The following DPP6 variants were observed in gnomAD, a reference collection of about 807,000 sequenced individuals.
DPP6 encodes the protein A-type potassium channel modulatory protein DPP6.
DPP6 carries 69 observed loss-of-function variants against 122.6 expected under a neutral mutation model. The ratio of observed to expected loss-of-function variants is 0.56; its 90% CI spans 0.46 to 0.69. DPP6 has a LOEUF of 0.69. Among genes scored for constraint, DPP6 ranks in the 30% least tolerant of loss-of-function variants. The pLI is 0.00. For synonymous variants in DPP6, 418 were observed against 433.1 expected, an observed-to-expected ratio of 0.97 and a Z score of 0.43; for missense variants, 928 against 1,116.9, an observed-to-expected ratio of 0.83 and a Z score of 2.41.
chr7:154,540,742 T>A, intron 4 of DPP6, 116 bp downstream of exon 4: 1 of 631,976 alleles, frequency 1.6e-6, no homozygotes, highest in Non-Finnish European at 2.7e-6. Flanking sequence ...GCAATAAACT[T>A]GTAATACTAC....
chr7:154,467,906 T>C (rs1401070633), intron 2 of DPP6, among the ~76,000 whole-genome samples: 3 of 152,222 alleles, frequency 2.0e-5, no homozygotes, highest in African/African-American at 2.4e-5. Flanking sequence ...TTTGTGTGAC[T>C]GAATACTTAC....
chr7:154,622,905 A>T (rs1335477252), intron 5 of DPP6, among the ~76,000 whole-genome samples: 1 of 152,136 alleles, frequency 6.6e-6, no homozygotes, highest in Non-Finnish European at 1.5e-5. Context: ...CCAAGAAGGG[A>T]TTTGTTACAA....
intron 1 of DPP6, among the ~76,000 whole-genome samples, chr7:153,944,206 C>T (rs1001574252): frequency 6.6e-6 from 1 of 152,214 alleles, no homozygotes; most frequent in Non-Finnish European, 1.5e-5. Flanking sequence ...ATGTATTTGG[C>T]AACCAGTGTG....
Position 154,821,653 on chromosome 7 carries a change from T to TATATATACACATATATATATATACAC in DPP6, c.1666+14548_1666+14549insCACATATATATATATACACATATATA, listed in dbSNP as rs1554477670. On this transcript the variant is annotated intron_variant, in intron 16 of 25. Coordinates refer to ENST00000377770, the MANE Select transcript of DPP6 (RefSeq NM_130797.4). This position sits in a 1 kb window ranked among gnomAD's most constrained non-coding sequence, Gnocchi z 4.2. ...GTATATATATATATATATACACATA[T>TATATATACACATATATATATATACAC]ATATATATATACACATATATATATA... is the stretch of plus-strand genomic sequence containing the variant. Among the ~76,000 whole-genome samples the TATATATACACATATATATATATACAC allele has an allele frequency of 1.9e-5, 2 of 107,080 alleles. No homozygotes were observed. The highest frequency in any genetic ancestry group is 4.6e-4 in the East Asian group (2 of 4,302). 70.2% of individuals were successfully genotyped at this position (107,080 alleles called of 152,430 possible).
chr7:154,356,577 C>T (rs1013032088), intron 1 of DPP6, among the ~76,000 whole-genome samples: 1 of 151,628 alleles, frequency 6.6e-6, no homozygotes, highest in African/African-American at 2.4e-5. Context: ...CCCAACCCCC[C>T]CACCAAAAAA....
intron 10 of DPP6, among the ~76,000 whole-genome samples, chr7:154,787,009 T>C (rs1262070154): frequency 6.6e-6 from 1 of 152,236 alleles, no homozygotes; most frequent in Non-Finnish European, 1.5e-5. Flanking sequence ...TCCAGAAACA[T>C]GAAATCTCTC....
At chr7:154,501,249 T>C (rs1338890041) in intron 3 of DPP6, among the ~76,000 whole-genome samples, 1 of 110,268 alleles carries the variant, frequency 9.1e-6, no homozygotes, top group Non-Finnish European at 2.1e-5. Context: ...GACAACATGA[T>C]AGAAAAAAAA....
At chr7:154,531,025 A>G (rs1261206179) in intron 3 of DPP6, among the ~76,000 whole-genome samples, 1 of 152,136 alleles carries the variant, frequency 6.6e-6, no homozygotes, top group African/African-American at 2.4e-5. Context: ...GGAGAACATC[A>G]GGAAGAATAG....
At position 154,635,866 on chromosome 7, in the gene DPP6, A is replaced by G. The variant is rs557847617; in HGVS notation, c.628-1955A>G. ...ACAACATGGCAGCCAGCTTCCTCAG[A>G]GCAAGTGATATGAAAGACAGCAAGA... On this transcript the variant is annotated intron_variant, in intron 5 of 25. Coordinates refer to ENST00000377770, the MANE Select transcript of DPP6 (RefSeq NM_130797.4). Among the ~76,000 whole-genome samples the G allele has an allele frequency of 2.0e-5, 3 of 152,312 alleles. No homozygotes were observed. The East Asian group carries it at 5.8e-4, about 29-fold the overall frequency.
At chr7:154,426,569 T>C (rs1817928868) in intron 1 of DPP6, among the ~76,000 whole-genome samples, 1 of 152,096 alleles carries the variant, frequency 6.6e-6, no homozygotes, top group African/African-American at 2.4e-5. Context: ...CATTAGAACG[T>C]TGTGATTGGG....
upstream of DPP6, among the ~76,000 whole-genome samples, chr7:154,048,819 A>G (rs1368088378): frequency 1.6e-5 from 2 of 124,866 alleles, no homozygotes; most frequent in East Asian, 4.4e-4. Context: ...GCTAAACTCA[A>G]TGGATGTACT....
chr7:154,068,028 C>A (rs569031546), intron 1 of DPP6, among the ~76,000 whole-genome samples: 2 of 151,378 alleles, frequency 1.3e-5, no homozygotes, highest in Non-Finnish European at 2.9e-5. Flanking sequence ...TCCCAAAGTA[C>A]TGGGATTACA....
chr7:154,739,917 C>T (rs777894519), intron 8 of DPP6, among the ~76,000 whole-genome samples: 31 of 152,192 alleles, frequency 2.0e-4, no homozygotes, highest in Non-Finnish European at 3.5e-4. Flanking sequence ...GTTCTCAGAA[C>T]CAAAGCTGAA....
chr7:154,022,746 A>G (rs1798765804), intron 1 of DPP6, among the ~76,000 whole-genome samples: 1 of 152,230 alleles, frequency 6.6e-6, no homozygotes, highest in Non-Finnish European at 1.5e-5. Context: ...AAGGACAGGC[A>G]TAGACAAAGG....
At chr7:154,264,655 A>C (rs931355721) in intron 1 of DPP6, among the ~76,000 whole-genome samples, 2 of 151,976 alleles carry the variant, frequency 1.3e-5, no homozygotes, top group African/African-American at 4.8e-5. Flanking sequence ...TAATGATGAT[A>C]GTGATAATGA....
chr7:154,689,050 A>G (rs1839789746), intron 7 of DPP6, among the ~76,000 whole-genome samples: 1 of 152,080 alleles, frequency 6.6e-6, no homozygotes, highest in African/African-American at 2.4e-5. Flanking sequence ...TGACACATTT[A>G]TTTCTTCCTT....
chr7:154,284,366 A>G (rs1308288327), intron 1 of DPP6, among the ~76,000 whole-genome samples: 2 of 152,222 alleles, frequency 1.3e-5, no homozygotes, highest in Non-Finnish European at 2.9e-5. Flanking sequence ...AAAGAATTGG[A>G]AACAAGGACT....
At chr7:154,328,418 G>C (rs1287357232) in intron 1 of DPP6, among the ~76,000 whole-genome samples, 1 of 152,202 alleles carries the variant, frequency 6.6e-6, no homozygotes, top group Admixed American at 6.5e-5. Flanking sequence ...ATTTACAGAA[G>C]TGTTGTTTTG....
intron 1 of DPP6, among the ~76,000 whole-genome samples, chr7:154,434,236 T>G (rs1818677529): frequency 6.6e-6 from 1 of 152,242 alleles, no homozygotes; most frequent in Non-Finnish European, 1.5e-5. Flanking sequence ...AGACTATGTT[T>G]CTATAGTTTC....
Sources: allele counts gnomAD v4.1 joint callset (sites outside exome capture counted in the v4.1 genomes callset), GRCh38; gene constraint gnomAD v4.1.1; non-coding constraint Gnocchi (gnomAD v3.1); transcripts MANE v1.5; gene names NCBI Gene and HGNC (gene_info 2026-07-23, HGNC 2026-07-21).